The following KIAA1549L variants were observed in gnomAD, a reference collection of about 807,000 sequenced individuals.
KIAA1549L encodes KIAA1549 like, also known as UPF0606 protein KIAA1549L.
Under a neutral mutation model 160.7 loss-of-function variants are expected in KIAA1549L, and 88 were observed. That is an observed-to-expected ratio of 0.55 (90% CI 0.46 to 0.65). The LOEUF (loss-of-function observed/expected upper bound fraction) is 0.65, where lower values mean the gene tolerates loss of function less well. KIAA1549L is among the 30% of genes least tolerant of loss of function. The probability of loss-of-function intolerance (pLI) is 0.00; values close to 1 mark genes in which losing one functional copy is unlikely to be tolerated. For missense variants in KIAA1549L, 2,258 were observed against 2,437.5 expected (o/e 0.93, Z 1.55); for synonymous variants, 950 against 976.7 (o/e 0.97, Z 0.51).
chr11:33,626,286 A>G (rs1431547896), intron 16 of KIAA1549L, among the ~76,000 whole-genome samples: 21 of 138,990 alleles, frequency 1.5e-4, no homozygotes, highest in African/African-American at 4.6e-4. Context: ...GTTTTTTCCA[A>G]TTCTGTGAAG....
intron 20 of KIAA1549L, among the ~76,000 whole-genome samples, chr11:33,662,361 A>G (rs2046125671): frequency 6.6e-6 from 1 of 152,180 alleles, no homozygotes; most frequent in African/African-American, 2.4e-5. Flanking sequence ...TGTGCTCATT[A>G]GAATTGTTTG....
chr11:33,544,857 C>A lies in KIAA1549L; in HGVS notation c.2864C>A (p.Ala955Asp), dbSNP rs1337760283. ...RKSSPPALSA[A>D]LVAKGTSSSP... Reference sequence around the variant, plus strand: ...TCAAGTCCACCTGCACTGTCTGCAGCCCTGGTTGCTAAGGGCACCAGCAGC... The same window carrying A: ...TCAAGTCCACCTGCACTGTCTGCAGACCTGGTTGCTAAGGGCACCAGCAGC... The change falls in exon 3 of 21, where the codon GCC (alanine) becomes GAC (aspartate). Residue 955 changes from alanine to aspartate, a missense_variant. Physicochemically the swap from Ala to Asp is moderately radical, Grantham distance 126. Around this residue, in one of 6 missense-constraint regions of KIAA1549L, gnomAD observed 41 missense variants for 79.8 expected, o/e 0.51. Coordinates refer to ENST00000658780, the MANE Select transcript of KIAA1549L (RefSeq NM_012194.3). 1.2e-6 allele frequency: 2 copies of A among 1,613,628 alleles called. No individual in the cohort carries two copies. Among genetic ancestry groups the A allele is most frequent in the Non-Finnish European group, 1.7e-6 (2 of 1,179,682 alleles).
At chr11:33,428,248 C>T (rs73493303) in intron 1 of KIAA1549L, among the ~76,000 whole-genome samples, 1,573 of 152,296 alleles carry the variant, frequency 0.01, 18 homozygotes, top group African/African-American at 0.035. Flanking sequence ...CGGTAATGTA[C>T]AAGTGTTCTG....
chr11:33,608,294 T>TTGA (rs1373359986), intron 14 of KIAA1549L, among the ~76,000 whole-genome samples: 1 of 152,208 alleles, frequency 6.6e-6, no homozygotes, highest in Non-Finnish European at 1.5e-5. Flanking sequence ...AATAAGCACT[T>TTGA]TGATGATGAT....
rs1850812014 is a variant in KIAA1549L, at chr11:33,616,490, C to T, written c.5280-2043C>T. On this transcript the variant is annotated intron_variant, in intron 15 of 20. Coordinates refer to ENST00000658780, the MANE Select transcript of KIAA1549L (RefSeq NM_012194.3). ...GCCTACCCCTGGAGGAAAGGGAGCC[C>T]CCAAGTGACATCATGATGCTCTTAC... Among the ~76,000 whole-genome samples, 4 of 152,068 alleles carry T rather than the reference C, an allele frequency of 2.6e-5. No homozygotes were observed. The South Asian group carries it at 8.3e-4, about 32-fold the overall frequency.
At chr11:33,620,824 A>G (rs1452716099) in intron 16 of KIAA1549L, among the ~76,000 whole-genome samples, 1 of 152,202 alleles carries the variant, frequency 6.6e-6, no homozygotes, top group Admixed American at 6.5e-5. Context: ...AACTCACACA[A>G]GCAAAACATG....
At chr11:33,655,974 G>A in intron 17 of KIAA1549L, 38 bp from the exon 18 acceptor site, 1 of 1,455,688 alleles carries the variant, frequency 6.9e-7, no homozygotes, top group African/African-American at 1.4e-5. Context: ...GACCCTGGGT[G>A]TTAACAACTC....
At chr11:33,477,498 C>T (rs1042980758) in intron 1 of KIAA1549L, among the ~76,000 whole-genome samples, 5 of 149,480 alleles carry the variant, frequency 3.3e-5, no homozygotes, top group African/African-American at 1.3e-4. Context: ...GAGTGCCACG[C>T]AGGTGCACGC....
intron 1 of KIAA1549L, among the ~76,000 whole-genome samples, chr11:33,416,549 T>C (rs1352945904): frequency 6.6e-6 from 1 of 152,146 alleles, no homozygotes; most frequent in Non-Finnish European, 1.5e-5. Context: ...TTACATTTCA[T>C]TAGGTATTAT....
chr11:33,597,111 A>G (rs1353074920), intron 12 of KIAA1549L, among the ~76,000 whole-genome samples: 2 of 152,242 alleles, frequency 1.3e-5, no homozygotes, highest in Non-Finnish European at 2.9e-5. Flanking sequence ...GGGTTAAACG[A>G]GACCAGATGA....
intron 10 of KIAA1549L, among the ~76,000 whole-genome samples, chr11:33,578,316 CTGTT>C (rs1036058663): frequency 5.9e-5 from 9 of 152,142 alleles, no homozygotes; most frequent in African/African-American, 1.9e-4. Context: ...GATTCAAACT[CTGTT>C]TGGCCAGGCT....
chr11:33,630,249 C>A (rs1175736234), intron 16 of KIAA1549L, among the ~76,000 whole-genome samples: 1 of 151,944 alleles, frequency 6.6e-6, no homozygotes, highest in Admixed American at 6.6e-5. Context: ...CTGTGCCCTG[C>A]CCCCAGAGGT....
rs972921809 is a variant in KIAA1549L, at chr11:33,591,366, G to A, written c.4696G>A (p.Val1566Ile). The A allele has an allele frequency of 3.7e-6, 6 of 1,613,298 alleles. No homozygotes were observed. The highest frequency in any genetic ancestry group is 4.5e-5 in the East Asian group (2 of 44,874). The change falls in exon 12 of 21, where the codon GTC becomes ATC. Residue 1566 changes from valine to isoleucine, a missense_variant. Val to Ile is a conservative substitution (Grantham distance 29). Coordinates refer to ENST00000658780, the MANE Select transcript of KIAA1549L (RefSeq NM_012194.3). ...TAGAGATGCTCCTCAGGAAAGAGAC[G>A]TCGCTCAGGATGGAAGCACCATCAA... ...PIRDAPQERD[V>I]AQDGSTIKTA...
intron 16 of KIAA1549L, among the ~76,000 whole-genome samples, chr11:33,619,111 G>C (rs988056144): frequency 1.3e-5 from 2 of 152,154 alleles, no homozygotes; most frequent in African/African-American, 4.8e-5. Context: ...CCAACAGGGC[G>C]GTTTGATAAT....
intron 10 of KIAA1549L, among the ~76,000 whole-genome samples, chr11:33,576,569 G>C (rs968553149): frequency 1.3e-5 from 2 of 152,132 alleles, no homozygotes; most frequent in Non-Finnish European, 2.9e-5. Flanking sequence ...AATCATAGAG[G>C]ACAGGAGTGA....
At chr11:33,592,538 C>T (rs937786492) in intron 12 of KIAA1549L, among the ~76,000 whole-genome samples, 1 of 147,532 alleles carries the variant, frequency 6.8e-6, no homozygotes, top group African/African-American at 2.4e-5. Flanking sequence ...TCCTTCCTTT[C>T]TCCCCTCCTT....
intron 1 of KIAA1549L, among the ~76,000 whole-genome samples, chr11:33,485,742 G>C (rs1270379752): frequency 2.0e-5 from 3 of 152,000 alleles, no homozygotes; most frequent in African/African-American, 7.2e-5. Flanking sequence ...TATTCTTCTT[G>C]ACTGAAATTT....
chr11:33,628,278 A>G (rs1173348658), intron 16 of KIAA1549L, among the ~76,000 whole-genome samples: 1 of 151,848 alleles, frequency 6.6e-6, no homozygotes, highest in Non-Finnish European at 1.5e-5. Flanking sequence ...TGGGGTGGAG[A>G]GTTCTGTAGA....
At chr11:33,532,940 C>G (rs1056753090) in intron 1 of KIAA1549L, among the ~76,000 whole-genome samples, 1 of 152,174 alleles carries the variant, frequency 6.6e-6, no homozygotes, top group African/African-American at 2.4e-5. Context: ...GAGAAAGAAC[C>G]ACCACTGTGG....
Sources: gnomAD v4.1 joint callset for allele counts (sites outside exome capture counted in the v4.1 genomes callset) on GRCh38, gnomAD v4.1.1 for gene constraint, gnomAD v4.1.1 regional missense constraint, MANE v1.5 for transcripts, NCBI Gene and HGNC (gene_info 2026-07-23, HGNC 2026-07-21) for gene names.